IFT80: variants seen among roughly 807,000 people sequenced by gnomAD.
IFT80 encodes the protein intraflagellar transport 80.
Under a neutral mutation model 107.9 loss-of-function variants are expected in IFT80, and 79 were observed. The ratio of observed to expected loss-of-function variants is 0.73; its 90% CI spans 0.61 to 0.88. IFT80 has a LOEUF of 0.88. Ranked by LOEUF, IFT80 falls within the 40% of genes least tolerant of loss-of-function variation. The pLI is 0.00. For missense variants in IFT80, 797 were observed against 914.2 expected (o/e 0.87, Z 1.65); for synonymous variants, 299 against 300.9 (o/e 0.99, Z 0.07).
chr3:160,372,278 C>T (rs1246018386), intron 5 of IFT80, among the ~76,000 whole-genome samples: 1 of 152,178 alleles, frequency 6.6e-6, no homozygotes, highest in East Asian at 1.9e-4. Flanking sequence ...AATTTAGTTT[C>T]TCCCTTCAAA....
rs772362771 is a variant in IFT80 at position 160,258,566 on chromosome 3, A to G, written c.2293T>C (p.Ser765Pro). Residue 765 changes from serine (S) to proline (P), a missense_variant, in exon 20 of 20, where the codon TCA becomes CCA. Transcript: ENST00000326448. Reference sequence around the variant, plus strand: ...ATACTCTTGCTGGATTGGCTGCTTGATGATTGCTCTCTTTCTTTTGTAATT... The same window carrying G: ...ATACTCTTGCTGGATTGGCTGCTTGGTGATTGCTCTCTTTCTTTTGTAATT... ...MEITKEREQS[S>P]SSQSSKSIGL... 1 of 1,613,742 alleles carries G rather than the reference A, an allele frequency of 6.2e-7. No homozygotes were observed. Among genetic ancestry groups the G allele is most frequent in the Non-Finnish European group, 8.5e-7 (1 of 1,179,960 alleles).
intron 18 of IFT80, 123 bp from the exon 19 acceptor site, chr3:160,268,659 C>A: frequency 1.1e-6 from 1 of 916,250 alleles, no homozygotes; most frequent in Non-Finnish European, 1.7e-6. Flanking sequence ...ATATGAAATA[C>A]CATTTTCTAC....
chr3:160,279,006 C>T (rs901993697), intron 16 of IFT80, among the ~76,000 whole-genome samples, 187 bp downstream of exon 16: 7 of 152,084 alleles, frequency 4.6e-5, no homozygotes, highest in African/African-American at 7.2e-5. Context: ...ATTTTTATAG[C>T]GTCTTCAGAG....
At chr3:160,382,680 C>T (rs186221509) in intron 2 of IFT80, among the ~76,000 whole-genome samples, 21 of 152,222 alleles carry the variant, frequency 1.4e-4, no homozygotes, top group African/African-American at 5.1e-4. Context: ...GTTGTTTGTT[C>T]TTATTGTTAT....
intron 6 of IFT80, among the ~76,000 whole-genome samples, chr3:160,358,571 C>T (rs1211814058): frequency 6.6e-6 from 1 of 152,002 alleles, no homozygotes; most frequent in African/African-American, 2.4e-5. Flanking sequence ...GTTCCAGTAC[C>T]TCCCATTGAT....
chr3:160,284,475 T>C (rs937709760), intron 13 of IFT80, among the ~76,000 whole-genome samples: 5 of 152,166 alleles, frequency 3.3e-5, no homozygotes, highest in African/African-American at 1.2e-4. Context: ...AAGCACCTCA[T>C]ATATTACCAG....
At chr3:160,389,140 T>G (rs1713164400) in intron 1 of IFT80, among the ~76,000 whole-genome samples, 1 of 152,162 alleles carries the variant, frequency 6.6e-6, no homozygotes, top group African/African-American at 2.4e-5. Flanking sequence ...GAATTAAAGC[T>G]GAGATAAGCC....
intron 12 of IFT80, among the ~76,000 whole-genome samples, chr3:160,296,511 C>T (rs1715992542): frequency 1.3e-5 from 2 of 151,866 alleles, no homozygotes. Context: ...CCCACTTTCT[C>T]CTGCACCTTT....
chr3:160,331,921 T>C (rs1358512740), intron 8 of IFT80, among the ~76,000 whole-genome samples: 1 of 152,138 alleles, frequency 6.6e-6, no homozygotes, highest in Non-Finnish European at 1.5e-5. Flanking sequence ...CCTCCCAAAG[T>C]GCTGGGATTA....
In IFT80 at chr3:160,336,501, T is replaced by A. The variant is rs149292213; in HGVS notation, c.778-16562A>T. On this transcript the variant is annotated intron_variant, in intron 8 of 19. Coordinates refer to ENST00000326448, the MANE Select transcript of IFT80 (RefSeq NM_020800.3). ...ATAGTCAAATAAGTCTAACTTCTATTCCTTTTCTCTCCCCCATTTCCTCCC... is the reference window on the plus strand; with the variant it reads ...ATAGTCAAATAAGTCTAACTTCTATACCTTTTCTCTCCCCCATTTCCTCCC... Among the ~76,000 whole-genome samples, 498 of 152,274 alleles carry A rather than the reference T, an allele frequency of 3.3e-3. 2 individuals carry two copies. The highest frequency in any genetic ancestry group is 0.01 in the African/African-American group (432 of 41,560).
At chr3:160,356,770 C>G (rs1721122530) in intron 7 of IFT80, among the ~76,000 whole-genome samples, 1 of 152,158 alleles carries the variant, frequency 6.6e-6, no homozygotes, top group South Asian at 2.1e-4. Context: ...ACCCTACTGC[C>G]TTGGCCTCTC....
chr3:160,360,696 C>A (rs1340191528), intron 6 of IFT80, among the ~76,000 whole-genome samples: 6 of 152,072 alleles, frequency 3.9e-5, no homozygotes, highest in Non-Finnish European at 7.4e-5. Flanking sequence ...AGATTGGGGG[C>A]CAATATTCAA....
intron 5 of IFT80, among the ~76,000 whole-genome samples, chr3:160,372,814 T>C (rs1711631667): frequency 6.6e-6 from 1 of 152,212 alleles, no homozygotes; most frequent in African/African-American, 2.4e-5. Context: ...CATGATATGA[T>C]GAATACATAA....
chr3:160,313,680 G>A (rs754231414), intron 9 of IFT80, among the ~76,000 whole-genome samples: 6 of 150,292 alleles, frequency 4.0e-5, no homozygotes, highest in Non-Finnish European at 7.4e-5. Context: ...CGTGATCTCA[G>A]CCCACTGCAA....
chr3:160,397,820 CAAGA>C (rs1253973372), intron 1 of IFT80, among the ~76,000 whole-genome samples: 1 of 147,988 alleles, frequency 6.8e-6, no homozygotes, highest in Non-Finnish European at 1.5e-5. Flanking sequence ...CTCCCGGGTT[CAAGA>C]GATTCTCCTG....
At chr3:160,396,963 T>C (rs140890561) in intron 1 of IFT80, among the ~76,000 whole-genome samples, 7 of 152,350 alleles carry the variant, frequency 4.6e-5, no homozygotes, top group African/African-American at 1.4e-4. Context: ...CTTTTCAAAA[T>C]AGTTTTCTGA....
At chr3:160,389,411 T>C (rs867500626) in intron 1 of IFT80, among the ~76,000 whole-genome samples, 2 of 151,668 alleles carry the variant, frequency 1.3e-5, no homozygotes, top group South Asian at 4.2e-4. Context: ...ACATGTGCCA[T>C]GCTGGTGTGC....
intron 16 of IFT80, 102 bp from the exon 17 acceptor site, chr3:160,277,772 A>T: frequency 2.5e-6 from 2 of 788,288 alleles, no homozygotes; most frequent in Non-Finnish European, 4.3e-6. Flanking sequence ...TTTAATTTAA[A>T]AAATAAAAAT....
intron 14 of IFT80, among the ~76,000 whole-genome samples, chr3:160,282,063 A>C (rs576492286): frequency 6.6e-6 from 1 of 152,316 alleles, no homozygotes; most frequent in South Asian, 2.1e-4. Context: ...GGATGGCTTG[A>C]GCTCAGGAGT....
Sources: allele counts gnomAD v4.1 joint callset (sites outside exome capture counted in the v4.1 genomes callset), GRCh38; gene constraint gnomAD v4.1.1; transcripts MANE v1.5; gene names NCBI Gene and HGNC (gene_info 2026-07-23, HGNC 2026-07-21).